COX7B2: variants seen among roughly 807,000 people sequenced by gnomAD.
COX7B2 encodes the protein cytochrome c oxidase subunit 7B2, mitochondrial.
For synonymous variants in COX7B2, 37 were observed against 32.1 expected, an observed-to-expected ratio of 1.15 and a Z score of -0.51; for missense variants, 109 against 95.9, an observed-to-expected ratio of 1.14 and a Z score of -0.57.
chr4:46,823,097 T>C (rs575869817), intron 2 of COX7B2, among the ~76,000 whole-genome samples: 4 of 152,204 alleles, frequency 2.6e-5, no homozygotes, highest in East Asian at 1.9e-4. Context: ...TTCTGTTTTA[T>C]AGCCTTTTGT....
At chr4:46,776,418 GTGTGTC>G (rs1228599056) in intron 2 of COX7B2, among the ~76,000 whole-genome samples, 30 of 151,568 alleles carry the variant, frequency 2.0e-4, no homozygotes, top group African/African-American at 6.3e-4. Context: ...GTGTGTGTGT[GTGTGTC>G]TGTGTGTCTG....
At chr4:46,893,701 A>G (rs914805979) in intron 1 of COX7B2, among the ~76,000 whole-genome samples, 1 of 152,196 alleles carries the variant, frequency 6.6e-6, no homozygotes, top group Admixed American at 6.5e-5. Flanking sequence ...AGCAAAGTAG[A>G]AGAAACTTCT....
At chr4:46,804,931 A>AG (rs974810590) in intron 2 of COX7B2, among the ~76,000 whole-genome samples, 5 of 152,042 alleles carry the variant, frequency 3.3e-5, no homozygotes, top group Admixed American at 6.5e-5. Flanking sequence ...CAGCCAGGGT[A>AG]GGGGGGGCGG....
At chr4:46,784,908 A>T (rs936724458) in intron 2 of COX7B2, among the ~76,000 whole-genome samples, 8 of 152,252 alleles carry the variant, frequency 5.3e-5, no homozygotes, top group African/African-American at 2.4e-5. Context: ...ATCATATTTC[A>T]CTTCACAACA....
intron 1 of COX7B2, among the ~76,000 whole-genome samples, chr4:46,863,192 C>T (rs1717439229): frequency 6.6e-6 from 1 of 151,968 alleles, no homozygotes; most frequent in African/African-American, 2.4e-5. Context: ...TAGAAAGGAA[C>T]TGATAAGGAG....
chr4:46,847,631 A>G (rs1195048647), intron 1 of COX7B2, among the ~76,000 whole-genome samples: 1 of 152,088 alleles, frequency 6.6e-6, no homozygotes, highest in Non-Finnish European at 1.5e-5. Context: ...TTATGCACCA[A>G]TGGAAAAGTA....
intron 2 of COX7B2, among the ~76,000 whole-genome samples, chr4:46,776,060 A>C (rs1028235791): frequency 2.6e-5 from 4 of 152,128 alleles, no homozygotes; most frequent in Admixed American, 6.6e-5. Context: ...CCCTGAAGAT[A>C]AACCAGTAAA....
At chr4:46,759,808 T>TCTG in intron 2 of COX7B2, among the ~76,000 whole-genome samples, 1 of 75,086 alleles carries the variant, frequency 1.3e-5, no homozygotes, top group South Asian at 5.9e-4. Flanking sequence ...AGTCATATCT[T>TCTG]ATATAAGTTA....
At chr4:46,753,331 G>C (rs1715524913) in intron 2 of COX7B2, among the ~76,000 whole-genome samples, 6 of 151,830 alleles carry the variant, frequency 4.0e-5, no homozygotes, top group Admixed American at 3.9e-4. Flanking sequence ...AGTCTTGCTA[G>C]TGGTCTATCA....
chr4:46,825,277 C>G (rs1714605892), intron 2 of COX7B2, among the ~76,000 whole-genome samples: 2 of 152,104 alleles, frequency 1.3e-5, no homozygotes, highest in South Asian at 4.2e-4. Flanking sequence ...CAATCCCATT[C>G]ACAATTGCCA....
intron 2 of COX7B2, among the ~76,000 whole-genome samples, chr4:46,830,949 G>A (rs191275964): frequency 1.6e-3 from 241 of 152,346 alleles, no homozygotes; most frequent in Non-Finnish European, 2.8e-3. Context: ...CGCACTTGAG[G>A]AGCCCTTCAG....
At chr4:46,881,394 G>T (rs1318579823) in intron 1 of COX7B2, among the ~76,000 whole-genome samples, 1 of 152,180 alleles carries the variant, frequency 6.6e-6, no homozygotes, top group Non-Finnish European at 1.5e-5. Flanking sequence ...ATTCTTTTGA[G>T]TTTCTGATTA....
intron 1 of COX7B2, among the ~76,000 whole-genome samples, chr4:46,860,564 C>A (rs1717276563): frequency 6.6e-6 from 1 of 152,120 alleles, no homozygotes; most frequent in Non-Finnish European, 1.5e-5. Context: ...TCTTTGACAT[C>A]TGGTGAATCA....
At chr4:46,885,288 A>G (rs1259123128) in intron 1 of COX7B2, among the ~76,000 whole-genome samples, 1 of 152,146 alleles carries the variant, frequency 6.6e-6, no homozygotes, top group African/African-American at 2.4e-5. Flanking sequence ...CAGGGAAAAT[A>G]AAACACGCAT....
intron 2 of COX7B2, among the ~76,000 whole-genome samples, chr4:46,752,180 A>G (rs1715427245): frequency 6.6e-6 from 1 of 152,082 alleles, no homozygotes; most frequent in Non-Finnish European, 1.5e-5. Flanking sequence ...CTTTGAAGCA[A>G]TTGTGAATGG....
In COX7B2 at chr4:46,824,941, C is replaced by T. The variant is rs143197938; in HGVS notation, c.-50+20019G>A. On this transcript the variant is annotated intron_variant, in intron 2 of 2. Transcript: ENST00000355591. ...ACCAACGTTATATTGAATAGGCAAA[C>T]GCTGGAAGCATTCCCCTTGAAAACA... is the stretch of plus-strand genomic sequence containing the variant. 2.4e-4 allele frequency among the ~76,000 whole-genome samples: 36 copies of T among 151,980 alleles called. No individual in the cohort carries two copies. In the East Asian group the frequency reaches 6.4e-3, roughly 27 times the overall value.
At chr4:46,827,141 T>C (rs573985490) in intron 2 of COX7B2, among the ~76,000 whole-genome samples, 2 of 150,462 alleles carry the variant, frequency 1.3e-5, no homozygotes, top group East Asian at 3.9e-4. Context: ...GTCACTGGAG[T>C]TCCAGGAGAA....
intron 2 of COX7B2, among the ~76,000 whole-genome samples, chr4:46,778,162 G>T (rs1479570815): frequency 6.6e-6 from 1 of 151,968 alleles, no homozygotes; most frequent in Non-Finnish European, 1.5e-5. Context: ...TGGAATGTGT[G>T]ATTTGAAAAT....
At chr4:46,804,019 C>T (rs1718821993) in intron 2 of COX7B2, among the ~76,000 whole-genome samples, 1 of 151,994 alleles carries the variant, frequency 6.6e-6, no homozygotes, top group South Asian at 2.1e-4. Context: ...GGAGTTTGTT[C>T]CTTCTGATGT....
Sources: gnomAD v4.1 joint callset for allele counts (sites outside exome capture counted in the v4.1 genomes callset) on GRCh38, gnomAD v4.1.1 for gene constraint, MANE v1.5 for transcripts, NCBI Gene and HGNC (gene_info 2026-07-23, HGNC 2026-07-21) for gene names.